The following DPP6 variants were observed in gnomAD, a reference collection of about 807,000 sequenced individuals.
DPP6 encodes the protein A-type potassium channel modulatory protein DPP6.
DPP6 carries 69 observed loss-of-function variants against 122.6 expected under a neutral mutation model. The observed-to-expected ratio is 0.56, with a 90% CI of 0.46 to 0.69. The LOEUF is 0.69. DPP6 is among the 30% of genes least tolerant of loss of function. DPP6 has a pLI of 0.00. For missense variants in DPP6, 928 were observed against 1,116.9 expected, an observed-to-expected ratio of 0.83 and a Z score of 2.41; for synonymous variants, 418 against 433.1, an observed-to-expected ratio of 0.97 and a Z score of 0.43.
At chr7:154,795,747 T>C in intron 11 of DPP6, 98 bp from the exon 12 acceptor site, 1 of 1,517,162 alleles carries the variant, frequency 6.6e-7, no homozygotes, top group South Asian at 1.2e-5. Context: ...TGAAGCCAAA[T>C]TGTTTCCTGC....
chr7:154,823,146 T>C (rs1255770359), intron 16 of DPP6, among the ~76,000 whole-genome samples: 5 of 152,018 alleles, frequency 3.3e-5, no homozygotes, highest in Admixed American at 6.5e-5. Context: ...AAATATTCTT[T>C]AAGACATTAT....
chr7:153,802,907 C>T, the DPP6 span, among the ~76,000 whole-genome samples: 2 of 152,144 alleles, frequency 1.3e-5, no homozygotes, highest in Non-Finnish European at 2.9e-5. Flanking sequence ...CACCCTCGCC[C>T]CAATCACTGC....
the DPP6 span, among the ~76,000 whole-genome samples, chr7:153,877,905 CAAAT>C: frequency 6.6e-6 from 1 of 151,462 alleles, no homozygotes; most frequent in East Asian, 1.9e-4. Flanking sequence ...AAAGGTTTGA[CAAAT>C]AAAGATATTA....
chr7:154,193,101 A>C (rs1046473796), intron 1 of DPP6, among the ~76,000 whole-genome samples: 8 of 152,206 alleles, frequency 5.3e-5, no homozygotes, highest in African/African-American at 1.7e-4. Context: ...CCAACAAACT[A>C]TCTCTCTCAG....
At chr7:154,816,408 G>T (rs6968160) in intron 16 of DPP6, among the ~76,000 whole-genome samples, 119,784 of 152,016 alleles carry the variant, frequency 0.79, 47,423 homozygotes, top group Non-Finnish European at 0.84. Context: ...AGGTATGTAG[G>T]CACAGAAAAA....
intron 1 of DPP6, among the ~76,000 whole-genome samples, chr7:154,260,202 T>C (rs1308826396): frequency 6.6e-6 from 1 of 152,014 alleles, no homozygotes; most frequent in Non-Finnish European, 1.5e-5. Flanking sequence ...CTGGAGTCCA[T>C]GGGTAGGAGT....
At chr7:154,644,870 G>C (rs2130957497) in intron 6 of DPP6, among the ~76,000 whole-genome samples, 1 of 152,026 alleles carries the variant, frequency 6.6e-6, no homozygotes, top group Admixed American at 6.5e-5. Context: ...CGCCATGCCT[G>C]GCTAATTTCT....
intron 1 of DPP6, among the ~76,000 whole-genome samples, chr7:153,923,760 CAAAAAAAAA>C (rs1158548494): frequency 4.3e-4 from 20 of 46,798 alleles, no homozygotes; most frequent in Non-Finnish European, 6.0e-4. Context: ...GACTCCATCT[CAAAAAAAAA>C]AAAAAAAAAA....
chr7:154,251,377 C>T (rs1396387330), intron 1 of DPP6, among the ~76,000 whole-genome samples: 1 of 152,164 alleles, frequency 6.6e-6, no homozygotes, highest in Non-Finnish European at 1.5e-5. Context: ...AAGGAACTGA[C>T]CACCTAAAAG....
chr7:154,662,921 A>G (rs1424602333), intron 6 of DPP6, among the ~76,000 whole-genome samples: 1 of 61,956 alleles, frequency 1.6e-5, no homozygotes, highest in Non-Finnish European at 4.3e-5. Flanking sequence ...TAGTGTTCAT[A>G]TAGTCATGGT....
At chr7:154,375,946 G>T (rs1032279450) in intron 1 of DPP6, among the ~76,000 whole-genome samples, 1 of 152,126 alleles carries the variant, frequency 6.6e-6, no homozygotes, top group African/African-American at 2.4e-5. Context: ...TCACCTGCTG[G>T]CCCACCTCGA....
intron 7 of DPP6, among the ~76,000 whole-genome samples, chr7:154,684,622 C>T (rs1275228239): frequency 6.6e-6 from 1 of 152,206 alleles, no homozygotes; most frequent in Non-Finnish European, 1.5e-5. Flanking sequence ...TAAATTTTAG[C>T]CTTTTCAGCC....
intron 1 of DPP6, among the ~76,000 whole-genome samples, chr7:154,171,862 C>T (rs1226974011): frequency 3.3e-5 from 5 of 152,000 alleles, no homozygotes; most frequent in East Asian, 1.9e-4. Flanking sequence ...TGATTGAAAC[C>T]GAATATCATT....
the DPP6 span, among the ~76,000 whole-genome samples, chr7:153,782,374 C>T: frequency 6.6e-6 from 1 of 151,964 alleles, no homozygotes; most frequent in Admixed American, 6.6e-5. Flanking sequence ...CATTTAGTTC[C>T]CATGAAGGAA....
intron 2 of DPP6, among the ~76,000 whole-genome samples, chr7:154,464,949 T>C (rs981065513): frequency 6.6e-6 from 1 of 152,208 alleles, no homozygotes; most frequent in South Asian, 2.1e-4. Flanking sequence ...CATGTATACC[T>C]ACGATAAAAT....
rs576577793 is a variant in DPP6, at chr7:154,795,667, A to G, written c.1261-178A>G. On this transcript the variant is annotated intron_variant, in intron 11 of 25. Transcript: ENST00000377770. Reference sequence around the variant, plus strand: ...CCGAGCCACGCACGAGACAAAGAGGAGAGCTCGGGATTGCCTCCTCCCAGA... The same window carrying G: ...CCGAGCCACGCACGAGACAAAGAGGGGAGCTCGGGATTGCCTCCTCCCAGA... 1.2e-4 allele frequency among the ~76,000 whole-genome samples: 19 copies of G among 152,166 alleles called. No homozygotes were observed. In the East Asian group the frequency reaches 3.1e-3, roughly 25 times the overall value.
At chr7:154,115,293 A>G (rs1408037358) in intron 1 of DPP6, among the ~76,000 whole-genome samples, 1 of 152,182 alleles carries the variant, frequency 6.6e-6, no homozygotes. Context: ...CAAGGCATTG[A>G]CCAGTCTGAG....
At chr7:153,850,563 T>C in the DPP6 span, among the ~76,000 whole-genome samples, 1 of 152,182 alleles carries the variant, frequency 6.6e-6, no homozygotes, top group African/African-American at 2.4e-5. Context: ...TCTGTTCTCA[T>C]GCTGCTAATA....
chr7:154,160,642 T>G (rs1359615437), intron 1 of DPP6, among the ~76,000 whole-genome samples: 6 of 152,060 alleles, frequency 3.9e-5, no homozygotes, highest in Admixed American at 1.3e-4. Flanking sequence ...GTGGGAAAAG[T>G]TATAGAAGCC....
Sources: allele counts gnomAD v4.1 joint callset (sites outside exome capture counted in the v4.1 genomes callset), GRCh38; gene constraint gnomAD v4.1.1; transcripts MANE v1.5; gene names NCBI Gene and HGNC (gene_info 2026-07-23, HGNC 2026-07-21).